The following PDE4D variants were observed in gnomAD, a reference collection of about 807,000 sequenced individuals.
PDE4D encodes the protein phosphodiesterase 4D, also known as 3',5'-cyclic-AMP phosphodiesterase 4D.
A neutral mutation model predicts 87.4 loss-of-function variants in PDE4D; 24 were observed. That is an observed-to-expected ratio of 0.27 (90% CI 0.20 to 0.39). PDE4D has a LOEUF of 0.39. Among genes scored for constraint, PDE4D ranks in the 10% least tolerant of loss-of-function variants. PDE4D has a pLI of 1.00. For missense variants in PDE4D, 714 were observed against 1,041.0 expected (o/e 0.69, Z 4.32); for synonymous variants, 384 against 383.2 (o/e 1.00, Z -0.02).
intron 1 of PDE4D, chr5:59,586,633 G>A: frequency 1.7e-6 from 2 of 1,203,978 alleles, no homozygotes; most frequent in Non-Finnish European, 1.0e-6. Flanking sequence ...GGTTCCACTA[G>A]TTAGTCAACA....
chr5:59,130,968 A>G (rs886898725), intron 5 of PDE4D, among the ~76,000 whole-genome samples: 2 of 152,194 alleles, frequency 1.3e-5, no homozygotes, highest in Non-Finnish European at 2.9e-5. Context: ...TTCATTAGTG[A>G]TGATCCATTC....
intron 1 of PDE4D, among the ~76,000 whole-genome samples, chr5:60,257,737 C>T (rs753776155): frequency 3.4e-4 from 51 of 151,928 alleles, no homozygotes; most frequent in Non-Finnish European, 6.0e-4. Context: ...CAATATGAGT[C>T]CTCAACTCTG....
At chr5:60,247,747 G>T (rs1209990476) in intron 1 of PDE4D, among the ~76,000 whole-genome samples, 3 of 151,726 alleles carry the variant, frequency 2.0e-5, no homozygotes, top group Non-Finnish European at 4.4e-5. Flanking sequence ...ACACACACAA[G>T]ACAGAGACAG....
intron 3 of PDE4D, among the ~76,000 whole-genome samples, chr5:59,915,852 G>GA (rs1269213903): frequency 6.6e-6 from 1 of 152,094 alleles, no homozygotes; most frequent in Non-Finnish European, 1.5e-5. Context: ...CATCACTCCG[G>GA]AAAAAATACA....
At chr5:59,981,047 T>C (rs892053098) in intron 3 of PDE4D, among the ~76,000 whole-genome samples, 3 of 151,344 alleles carry the variant, frequency 2.0e-5, no homozygotes, top group Non-Finnish European at 4.4e-5. Flanking sequence ...AGGCCAGGAG[T>C]TTGAGAACAG....
intron 1 of PDE4D, among the ~76,000 whole-genome samples, chr5:60,421,027 C>T (rs892591084): frequency 2.0e-5 from 3 of 152,206 alleles, no homozygotes; most frequent in Non-Finnish European, 4.4e-5. Context: ...AACAAAGTGG[C>T]CAGGAAGCTG....
chr5:59,545,560 A>T (rs975501780), intron 1 of PDE4D, among the ~76,000 whole-genome samples: 1 of 152,074 alleles, frequency 6.6e-6, no homozygotes, highest in Non-Finnish European at 1.5e-5. Context: ...TCAACAGAAG[A>T]AAAAAGAGTT....
At chr5:59,554,017 T>C (rs1818511670) in intron 1 of PDE4D, among the ~76,000 whole-genome samples, 2 of 152,158 alleles carry the variant, frequency 1.3e-5, no homozygotes, top group Non-Finnish European at 2.9e-5. Flanking sequence ...TTAGCTTTCT[T>C]CCTCAGGGCA....
At chr5:58,999,558 T>C in intron 6 of PDE4D, 1 of 1,240,262 alleles carries the variant, frequency 8.1e-7, no homozygotes, top group Non-Finnish European at 1.1e-6. Context: ...TATATGTATA[T>C]ATATATATAT....
chr5:59,056,210 T>C (rs1762332292), intron 5 of PDE4D, among the ~76,000 whole-genome samples: 2 of 152,232 alleles, frequency 1.3e-5, no homozygotes, highest in Admixed American at 1.3e-4. Flanking sequence ...AACCAGCTCA[T>C]GGCACTAGGC....
At chr5:59,508,499 A>G (rs904409201) in intron 1 of PDE4D, among the ~76,000 whole-genome samples, 4 of 152,132 alleles carry the variant, frequency 2.6e-5, no homozygotes, top group African/African-American at 9.6e-5. Flanking sequence ...AACACAGATA[A>G]TTTCCAGAGA....
At position 59,451,029 on chromosome 5, in the gene PDE4D, C is replaced by T. The variant is rs549197608; in HGVS notation, c.456-235061G>A. Reference sequence around the variant, plus strand: ...TTCTTGAAATAATTTTGTTTATATTCACTATCTTGATTCTCCCTTTGTACT... The same window carrying T: ...TTCTTGAAATAATTTTGTTTATATTTACTATCTTGATTCTCCCTTTGTACT... On this transcript the variant is annotated intron_variant, in intron 1 of 14. Transcript: ENST00000340635. Among the ~76,000 whole-genome samples, 26 of 152,280 alleles carry T rather than the reference C, an allele frequency of 1.7e-4. No individual in the cohort carries two copies. The East Asian group carries it at 4.6e-3, about 27-fold the overall frequency.
At chr5:59,302,063 G>A (rs256752) in intron 1 of PDE4D, among the ~76,000 whole-genome samples, 100,191 of 151,960 alleles carry the variant, frequency 0.66, 34,198 homozygotes, top group African/African-American at 0.83. Flanking sequence ...TGCCTGATAT[G>A]TGACCTTCCT....
chr5:59,009,478 C>T (rs1752327804), intron 6 of PDE4D, among the ~76,000 whole-genome samples: 1 of 151,974 alleles, frequency 6.6e-6, no homozygotes, highest in Non-Finnish European at 1.5e-5. Flanking sequence ...CAACTCAAAA[C>T]TCAAAAGTAT....
chr5:60,472,359 C>G (rs1747876787), intron 1 of PDE4D, among the ~76,000 whole-genome samples: 1 of 152,162 alleles, frequency 6.6e-6, no homozygotes, highest in South Asian at 2.1e-4. Flanking sequence ...CCCAGACAGT[C>G]TAGCACCGGA....
intron 3 of PDE4D, among the ~76,000 whole-genome samples, chr5:59,928,828 T>C (rs1355125543): frequency 6.6e-6 from 1 of 150,530 alleles, no homozygotes; most frequent in Non-Finnish European, 1.5e-5. Flanking sequence ...CATTTCTATA[T>C]ATTAGAAATT....
At chr5:60,148,795 T>C (rs994729575) in intron 2 of PDE4D, among the ~76,000 whole-genome samples, 1 of 152,240 alleles carries the variant, frequency 6.6e-6, no homozygotes, top group Admixed American at 6.5e-5. Flanking sequence ...TTGGCATTTT[T>C]ATTTAACCAG....
At chr5:60,063,056 T>A (rs1192981214) in intron 2 of PDE4D, among the ~76,000 whole-genome samples, 1 of 144,622 alleles carries the variant, frequency 6.9e-6, no homozygotes, top group Non-Finnish European at 1.5e-5. Context: ...ATGTTCTGTA[T>A]ATGTATCCCA....
chr5:60,361,097 A>G (rs559593807), intron 1 of PDE4D, among the ~76,000 whole-genome samples: 1 of 152,308 alleles, frequency 6.6e-6, no homozygotes, highest in East Asian at 1.9e-4. Context: ...AGATGTATTC[A>G]TTTCTGAGCT....
Sources: allele counts gnomAD v4.1 joint callset (sites outside exome capture counted in the v4.1 genomes callset), GRCh38; gene constraint gnomAD v4.1.1; transcripts MANE v1.5; gene names NCBI Gene and HGNC (gene_info 2026-07-23, HGNC 2026-07-21).